CFAP96: variants seen among roughly 807,000 people sequenced by gnomAD.
CFAP96 encodes cilia and flagella associated protein 96, also known as cilia-and flagella-associated protein 96.
At chr4:185,441,756 T>C in the CFAP96 span, among the ~76,000 whole-genome samples, 1 of 151,854 alleles carries the variant, frequency 6.6e-6, no homozygotes, top group African/African-American at 2.4e-5. Context: ...ATGTAAAGAG[T>C]GAGGTAAGAA....
the CFAP96 span, chr4:185,415,694 C>G: frequency 6.3e-7 from 1 of 1,598,388 alleles, no homozygotes; most frequent in Non-Finnish European, 8.5e-7. Context: ...GGCAGTGGTA[C>G]TATAAAAATA....
At chr4:185,439,961 AC>A in the CFAP96 span, among the ~76,000 whole-genome samples, 1 of 146,618 alleles carries the variant, frequency 6.8e-6, no homozygotes, top group African/African-American at 2.5e-5. Flanking sequence ...TATGATATAT[AC>A]ATATATGTAT....
At chr4:185,418,921 A>G in the CFAP96 span, 1 of 625,910 alleles carries the variant, frequency 1.6e-6, no homozygotes, top group East Asian at 2.9e-5. Context: ...CTATCTTTTT[A>G]AAAAAGTCTG....
the CFAP96 span, among the ~76,000 whole-genome samples, chr4:185,428,153 TCTTCA>T: frequency 1.3e-5 from 2 of 152,196 alleles, no homozygotes; most frequent in East Asian, 3.8e-4. Flanking sequence ...ATGTTTGTTT[TCTTCA>T]CTTATGTATG....
the CFAP96 span, among the ~76,000 whole-genome samples, chr4:185,439,308 G>T: frequency 1.3e-5 from 2 of 152,092 alleles, no homozygotes; most frequent in African/African-American, 4.8e-5. Flanking sequence ...GATATGGAAG[G>T]GTGGAGAGCA....
the CFAP96 span, among the ~76,000 whole-genome samples, chr4:185,431,018 T>C: frequency 9.9e-5 from 15 of 152,180 alleles, no homozygotes; most frequent in African/African-American, 3.1e-4. Context: ...AAGACCAGCC[T>C]GAGAAATATG....
the CFAP96 span, among the ~76,000 whole-genome samples, chr4:185,434,232 CA>C: frequency 1.3e-5 from 2 of 151,708 alleles, no homozygotes; most frequent in Non-Finnish European, 2.9e-5. Context: ...TGAAAAAAAA[CA>C]AAAAAATAAA....
At chr4:185,417,850 C>T in the CFAP96 span, among the ~76,000 whole-genome samples, 3 of 152,072 alleles carry the variant, frequency 2.0e-5, no homozygotes, top group Non-Finnish European at 2.9e-5. Flanking sequence ...TTGAGACCAG[C>T]GTGGCCAACC....
chr4:185,435,177 T>C, the CFAP96 span, among the ~76,000 whole-genome samples: 1 of 152,258 alleles, frequency 6.6e-6, no homozygotes. Context: ...TTCCTTGTTG[T>C]ATTTTAGAAT....
the CFAP96 span, chr4:185,436,313 T>G: frequency 1.1e-5 from 17 of 1,551,234 alleles, no homozygotes; most frequent in Non-Finnish European, 1.5e-5. Flanking sequence ...GGTAAACAGT[T>G]TTCACACTCT....
the CFAP96 span, among the ~76,000 whole-genome samples, chr4:185,447,689 T>C: frequency 6.6e-6 from 1 of 152,184 alleles, no homozygotes; most frequent in Non-Finnish European, 1.5e-5. Context: ...CCAGTGTCTT[T>C]CCTATGAATT....
chr4:185,412,512 C>G, the CFAP96 span, among the ~76,000 whole-genome samples: 1 of 152,122 alleles, frequency 6.6e-6, no homozygotes, highest in Non-Finnish European at 1.5e-5. Context: ...ATACGATAGC[C>G]AAGTTTTCTT....
the CFAP96 span, among the ~76,000 whole-genome samples, chr4:185,425,388 T>C: frequency 6.6e-6 from 1 of 151,858 alleles, no homozygotes; most frequent in East Asian, 1.9e-4. Flanking sequence ...AGGTCTAACT[T>C]AGAGATAAAA....
chr4:185,440,457 A>G, the CFAP96 span: 8 of 838,792 alleles, frequency 9.5e-6, no homozygotes, highest in African/African-American at 1.3e-4. Context: ...TCATATTTAT[A>G]TTAAAATGTA....
At chr4:185,443,439 G>A in the CFAP96 span, among the ~76,000 whole-genome samples, 5 of 144,680 alleles carry the variant, frequency 3.5e-5, no homozygotes, top group East Asian at 8.4e-4. Context: ...TGCCTCCCAG[G>A]TTCAATTCAA....
the CFAP96 span, among the ~76,000 whole-genome samples, chr4:185,429,147 C>T: frequency 6.6e-6 from 1 of 152,184 alleles, no homozygotes; most frequent in South Asian, 2.1e-4. Flanking sequence ...GGGGAGGGCT[C>T]ATCTGGAGAA....
At chr4:185,436,275 C>T in the CFAP96 span, 1 of 1,549,994 alleles carries the variant, frequency 6.5e-7, no homozygotes, top group Non-Finnish European at 8.7e-7. Context: ...ACTTACTTTG[C>T]TTTCTTAGCT....
chr4:185,433,132 A>G, the CFAP96 span, among the ~76,000 whole-genome samples: 2 of 152,168 alleles, frequency 1.3e-5, no homozygotes, highest in African/African-American at 2.4e-5. Flanking sequence ...ACAACTGTCA[A>G]TGTTCCCTTT....
chr4:185,415,077 T>G, the CFAP96 span: 1 of 1,204,170 alleles, frequency 8.3e-7, no homozygotes, highest in Non-Finnish European at 1.2e-6. Context: ...ACCTTCCATT[T>G]AGTGGAAATA....
Sources: gnomAD v4.1 joint callset for allele counts (sites outside exome capture counted in the v4.1 genomes callset) on GRCh38, gnomAD v4.1.1 for gene constraint, MANE v1.5 for transcripts, NCBI Gene and HGNC (gene_info 2026-07-23, HGNC 2026-07-21) for gene names.